The following PRMT9 variants were observed in gnomAD, a reference collection of about 807,000 sequenced individuals.
PRMT9 encodes the protein protein arginine methyltransferase 9.
Under a neutral mutation model 83.2 loss-of-function variants are expected in PRMT9, and 59 were observed. The ratio of observed to expected loss-of-function variants is 0.71; its 90% confidence interval spans 0.57 to 0.88. The LOEUF (loss-of-function observed/expected upper bound fraction) is 0.88, where lower values mean the gene tolerates loss of function less well. Among genes scored for constraint, PRMT9 ranks in the 40% least tolerant of loss-of-function variants. The pLI is 0.00. For synonymous variants in PRMT9, 333 were observed against 353.2 expected (o/e 0.94, Z 0.64); for missense variants, 947 against 1,021.9 (o/e 0.93, Z 1.00).
rs1320293946 is a variant in PRMT9 at position 147,680,418 on chromosome 4, A to C, written c.243T>G (p.Ser81Arg). The C allele has an allele frequency of 6.2e-7, 1 of 1,614,142 alleles. No homozygotes were observed. The highest frequency in any genetic ancestry group is 1.7e-5 in the Admixed American group (1 of 60,034). The change falls in exon 2 of 12, where the codon AGT (serine) becomes AGG (arginine). Residue 81 changes from serine to arginine, a missense_variant. By Grantham distance (110) the Ser-to-Arg change is moderately radical. Coordinates refer to ENST00000322396, the MANE Select transcript of PRMT9 (RefSeq NM_138364.4). ...AGCAACCAAGTAAGTCTTGTATCCG[A>C]CTGAGAGCATCAAGCTCTTCAGCCC... Reference protein sequence around the residue: ...FRWAEELDALSRIQDLLGCYE... With the variant: ...FRWAEELDALRRIQDLLGCYE...
intron 6 of PRMT9, among the ~76,000 whole-genome samples, chr4:147,664,504 T>G (rs1578915259): frequency 6.6e-6 from 1 of 152,168 alleles, no homozygotes; most frequent in Non-Finnish European, 1.5e-5. Flanking sequence ...ACAATTAGAT[T>G]GCAGGCTGTA....
chr4:147,676,737 T>C (rs1736102625), intron 2 of PRMT9, among the ~76,000 whole-genome samples: 2 of 152,136 alleles, frequency 1.3e-5, no homozygotes, highest in African/African-American at 4.8e-5. Flanking sequence ...TATAGAACTT[T>C]TCATTGAATA....
At chr4:147,644,424 AG>A in intron 9 of PRMT9, among the ~76,000 whole-genome samples, 1 of 151,462 alleles carries the variant, frequency 6.6e-6, no homozygotes, top group Non-Finnish European at 1.5e-5. Flanking sequence ...GAGAGAGTCA[AG>A]GGTTAACAAA....
chr4:147,670,523 T>A, intron 5 of PRMT9, 118 bp downstream of exon 5: 2 of 814,092 alleles, frequency 2.5e-6, no homozygotes, highest in Non-Finnish European at 4.2e-6. Context: ...ACACAGTATG[T>A]ACACCTTGGC....
At chr4:147,668,514 T>C (rs774508020) in intron 6 of PRMT9, 25 bp downstream of exon 6, 30 of 1,308,712 alleles carry the variant, frequency 2.3e-5, no homozygotes, top group Non-Finnish European at 3.2e-5. Flanking sequence ...TTTATAGCAG[T>C]GTGAAAATGG....
At chr4:147,666,001 T>C (rs1330860415) in intron 6 of PRMT9, among the ~76,000 whole-genome samples, 4 of 152,202 alleles carry the variant, frequency 2.6e-5, no homozygotes, top group African/African-American at 9.6e-5. Context: ...CACAAACATC[T>C]TTAGTGTTGC....
At chr4:147,649,144 A>C (rs1027545025) in intron 9 of PRMT9, among the ~76,000 whole-genome samples, 3 of 151,990 alleles carry the variant, frequency 2.0e-5, no homozygotes, top group Non-Finnish European at 4.4e-5. Flanking sequence ...TGTTCATGGC[A>C]GAGGGCAGAG....
rs890619229 is a variant in PRMT9, at chr4:147,658,927, C to T, written c.1147-952G>A. On this transcript the variant is annotated intron_variant, in intron 7 of 11. Coordinates refer to ENST00000322396, the MANE Select transcript of PRMT9 (RefSeq NM_138364.4). ...GGGCACGGTTGCTCACACCTGTAAT[C>T]CCAGCACTTTGGGAGGCCAAGGCGG... Among the ~76,000 whole-genome samples, 5 of 152,256 alleles carry T rather than the reference C, an allele frequency of 3.3e-5. No individual in the cohort carries two copies. The East Asian group carries it at 5.8e-4, about 18-fold the overall frequency.
chr4:147,671,474 A>G (rs1440815184), intron 4 of PRMT9, among the ~76,000 whole-genome samples: 2 of 152,246 alleles, frequency 1.3e-5, no homozygotes, highest in Non-Finnish European at 2.9e-5. Context: ...ATTTATTGCC[A>G]GTATCACTCA....
intron 6 of PRMT9, among the ~76,000 whole-genome samples, chr4:147,663,849 T>C (rs1735144249): frequency 6.6e-6 from 1 of 152,230 alleles, no homozygotes; most frequent in South Asian, 2.1e-4. Flanking sequence ...TGTACATTAC[T>C]GAAACATTCT....
At chr4:147,665,095 T>TG (rs555077929) in intron 6 of PRMT9, among the ~76,000 whole-genome samples, 179 of 115,414 alleles carry the variant, frequency 1.6e-3, no homozygotes, top group Non-Finnish European at 2.5e-3. Context: ...CATTCCAGCC[T>TG]GGGAAACAAG....
intron 9 of PRMT9, among the ~76,000 whole-genome samples, chr4:147,649,720 G>A (rs909060583): frequency 6.6e-6 from 1 of 152,138 alleles, no homozygotes; most frequent in African/African-American, 2.4e-5. Flanking sequence ...GGTCAGGCTG[G>A]TCTCAAACTC....
At chr4:147,662,247 C>T (rs112746242) in intron 6 of PRMT9, among the ~76,000 whole-genome samples, 2 of 152,270 alleles carry the variant, frequency 1.3e-5, no homozygotes, top group African/African-American at 4.8e-5. Context: ...ACAAGTCACA[C>T]TGTATGGTTC....
intron 4 of PRMT9, chr4:147,671,845 C>T (rs1463818446): frequency 2.2e-6 from 1 of 455,822 alleles, no homozygotes; most frequent in East Asian, 7.0e-5. Flanking sequence ...GACTCATGTC[C>T]CTCTCAAAAT....
Position 147,670,381 on chromosome 4 carries a change from G to A in PRMT9, c.846+260C>T, listed in dbSNP as rs532501889. Among the ~76,000 whole-genome samples the A allele has an allele frequency of 3.2e-4, 48 of 152,094 alleles. No homozygotes were observed. In the Middle Eastern group the frequency reaches 0.014, roughly 43 times the overall value. On this transcript the variant is annotated intron_variant, in intron 5 of 11. Transcript: ENST00000322396. The stretch of plus-strand genomic sequence containing the variant: ...TTTAGTAGAGATGGGGTTTCTCCAT[G>A]TTGGTAAGGCTGGTCTCGAACTCCC...
intron 6 of PRMT9, among the ~76,000 whole-genome samples, chr4:147,667,671 T>G (rs1290678460): frequency 6.6e-6 from 1 of 151,972 alleles, no homozygotes; most frequent in Non-Finnish European, 1.5e-5. Flanking sequence ...TTCAAACCAC[T>G]TATCAGTATG....
chr4:147,670,658 A>T lies in PRMT9; in HGVS notation c.829T>A (p.Leu277Ile). ...VESLIHAWEHLLLQPKTKGES... is the reference protein window; with the variant it reads ...VESLIHAWEHILLQPKTKGES... ...CTGCTTACCTTTGGCTGTAAAAGTAAATGCTCCCATGCATGAATCAAACTC... is the reference window on the plus strand; with the variant it reads ...CTGCTTACCTTTGGCTGTAAAAGTATATGCTCCCATGCATGAATCAAACTC... The change falls in exon 5 of 12, where the codon TTA becomes ATA. Residue 277 changes from leucine (L) to isoleucine (I), a missense_variant. Coordinates refer to ENST00000322396, the MANE Select transcript of PRMT9 (RefSeq NM_138364.4). The T allele has an allele frequency of 6.2e-7, 1 of 1,611,210 alleles. No individual in the cohort carries two copies. Among genetic ancestry groups the T allele is most frequent in the Non-Finnish European group, 8.5e-7 (1 of 1,177,444 alleles).
intron 6 of PRMT9, among the ~76,000 whole-genome samples, chr4:147,666,823 TAAAAAAAAAA>T (rs67002013): frequency 4.7e-5 from 6 of 126,444 alleles, no homozygotes; most frequent in African/African-American, 5.9e-5. Flanking sequence ...GAACTTTGTT[TAAAAAAAAAA>T]AAAAAAAAAA....
intron 1 of PRMT9, among the ~76,000 whole-genome samples, chr4:147,682,354 C>G (rs1430410377): frequency 6.6e-6 from 1 of 152,100 alleles, no homozygotes; most frequent in Non-Finnish European, 1.5e-5. Context: ...TAATTTTGTA[C>G]TTTTAGTAGA....
Sources: allele counts gnomAD v4.1 joint callset (sites outside exome capture counted in the v4.1 genomes callset), GRCh38; gene constraint gnomAD v4.1.1; transcripts MANE v1.5; gene names NCBI Gene and HGNC (gene_info 2026-07-23, HGNC 2026-07-21).